SPINK5: variants seen among roughly 807,000 people sequenced by gnomAD.
The protein encoded by SPINK5 is serine peptidase inhibitor Kazal type 5.
A neutral mutation model predicts 151.8 loss-of-function variants in SPINK5; 125 were observed. That is an observed-to-expected ratio of 0.82 (90% CI 0.71 to 0.96). The LOEUF (loss-of-function observed/expected upper bound fraction) is 0.96, where lower values mean the gene tolerates loss of function less well. Ranked by LOEUF, SPINK5 falls within the 40% of genes least tolerant of loss-of-function variation. SPINK5 has a pLI of 0.00. For synonymous variants in SPINK5, 374 were observed against 395.3 expected (o/e 0.95, Z 0.64); for missense variants, 1,194 against 1,291.9 (o/e 0.92, Z 1.16).
chr5:148,120,457 C>T, intron 26 of SPINK5, 66 bp downstream of exon 26: 1 of 1,525,980 alleles, frequency 6.6e-7, no homozygotes, highest in South Asian at 1.2e-5. Context: ...ATTTATTCAA[C>T]AAATATTTGT....
intron 8 of SPINK5, among the ~76,000 whole-genome samples, chr5:148,092,997 T>C (rs1266639126): frequency 6.6e-6 from 1 of 151,946 alleles, no homozygotes; most frequent in Admixed American, 6.6e-5. Context: ...GAAGGGACTT[T>C]GCTGTGGTCT....
chr5:148,117,693 A>AT (rs1335684695), intron 22 of SPINK5, among the ~76,000 whole-genome samples: 1 of 151,910 alleles, frequency 6.6e-6, no homozygotes, highest in Non-Finnish European at 1.5e-5. Context: ...CCAAACTTAG[A>AT]TAAAAAATAC....
At chr5:148,069,471 G>GAGAGAGAGAA (rs199650759) in intron 2 of SPINK5, among the ~76,000 whole-genome samples, 3,775 of 149,538 alleles carry the variant, frequency 0.025, 72 homozygotes, top group South Asian at 0.098. Context: ...AATTACCAGA[G>GAGAGAGAGAA]AGAGAGAGAA....
Position 148,099,553 on chromosome 5 carries a change from T to A in SPINK5, c.1092+238T>A, listed in dbSNP as rs13172395. ...AAGCTGAAAAACTGAGTTCTACTTC[T>A]AGTTTTATCACTTATAGACTGTTAG... On this transcript the variant is annotated intron_variant, in intron 12 of 32. Coordinates refer to ENST00000256084, the MANE Select transcript of SPINK5 (RefSeq NM_006846.4). 0.45 allele frequency among the ~76,000 whole-genome samples: 67,835 copies of A among 151,688 alleles called. 16,510 individuals carry two copies. The highest frequency in any genetic ancestry group is 0.58 in the Admixed American group (8,842 of 15,210).
At chr5:148,091,940 T>G (rs939106504) in intron 8 of SPINK5, among the ~76,000 whole-genome samples, 1 of 151,936 alleles carries the variant, frequency 6.6e-6, no homozygotes, top group Non-Finnish European at 1.5e-5. Flanking sequence ...ATGAGAGGGA[T>G]AGCAGTTTCT....
chr5:148,123,166 CAG>C (rs1175842137), intron 26 of SPINK5, among the ~76,000 whole-genome samples: 4 of 151,244 alleles, frequency 2.6e-5, no homozygotes, highest in Non-Finnish European at 5.9e-5. Context: ...CCAGGCAACA[CAG>C]AGAGACTCCC....
intron 32 of SPINK5, chr5:148,134,120 T>C (rs1754642487): frequency 5.2e-6 from 3 of 571,960 alleles, no homozygotes; most frequent in Non-Finnish European, 9.6e-6. Context: ...CATTAATAGA[T>C]TGTTTATGAG....
chr5:148,117,257 C>T (rs1321737928), intron 22 of SPINK5, among the ~76,000 whole-genome samples: 1 of 152,156 alleles, frequency 6.6e-6, no homozygotes, highest in Non-Finnish European at 1.5e-5. Flanking sequence ...TGAGTTCTCC[C>T]TTTTAAGGAA....
chr5:148,108,019 A>T (rs780540766), intron 17 of SPINK5, among the ~76,000 whole-genome samples: 1 of 152,146 alleles, frequency 6.6e-6, no homozygotes, highest in Non-Finnish European at 1.5e-5. Flanking sequence ...CTAAAAGGAG[A>T]GGTTGACAGA....
chr5:148,074,460 A>T (rs1340127194), intron 4 of SPINK5, among the ~76,000 whole-genome samples: 1 of 151,626 alleles, frequency 6.6e-6, no homozygotes, highest in Non-Finnish European at 1.5e-5. Flanking sequence ...GTTTATCATG[A>T]TTTAGGTTGC....
intron 27 of SPINK5, among the ~76,000 whole-genome samples, chr5:148,124,242 A>G (rs1754370519): frequency 6.6e-6 from 1 of 152,212 alleles, no homozygotes. Flanking sequence ...GTTCCTCCTG[A>G]GGGAAAAATG....
In SPINK5 at chr5:148,116,440, A is replaced by C. The variant is rs774539560; in HGVS notation, c.2086A>C (p.Ser696Arg). Residue 696 changes from serine to arginine, a missense_variant, in exon 22 of 33, where the codon AGT (serine) becomes CGT (arginine). Transcript: ENST00000256084. ...GAGAAATGCTGCAGGACATGGTTCCAGTGGTGGTGGAGGAGGAAACACTCA... is the reference window on the plus strand; with the variant it reads ...GAGAAATGCTGCAGGACATGGTTCCCGTGGTGGTGGAGGAGGAAACACTCA... Reference protein sequence around the residue: ...DQRNAAGHGSSGGGGGNTQDE... With the variant: ...DQRNAAGHGSRGGGGGNTQDE... 1 of 1,614,056 alleles carries C rather than the reference A, an allele frequency of 6.2e-7. No individual in the cohort carries two copies. The highest frequency in any genetic ancestry group is 8.5e-7 in the Non-Finnish European group (1 of 1,180,010).
intron 2 of SPINK5, among the ~76,000 whole-genome samples, chr5:148,068,554 C>CAAAAAAAAAAAAAAAAAAAA (rs1166912306): frequency 2.2e-5 from 2 of 89,232 alleles, no homozygotes; most frequent in Non-Finnish European, 4.4e-5. Context: ...CCTGCCTCTC[C>CAAAAAAAAAAAAAAAAAAAA]AAAAAAAAAA....
intron 29 of SPINK5, among the ~76,000 whole-genome samples, chr5:148,126,426 C>CT (rs1247444583): frequency 1.3e-5 from 2 of 152,062 alleles, no homozygotes; most frequent in Non-Finnish European, 2.9e-5. Flanking sequence ...AAATACTACT[C>CT]CCATTTTATG....
chr5:148,079,989 A>C (rs1420983161), intron 4 of SPINK5, among the ~76,000 whole-genome samples: 1 of 151,062 alleles, frequency 6.6e-6, no homozygotes, highest in Non-Finnish European at 1.5e-5. Flanking sequence ...CCAAAACATG[A>C]TACCATATAT....
intron 30 of SPINK5, among the ~76,000 whole-genome samples, chr5:148,129,110 A>T (rs1296815860): frequency 1.3e-5 from 2 of 152,122 alleles, no homozygotes; most frequent in Non-Finnish European, 2.9e-5. Context: ...ATCTGAGGAG[A>T]ACATATTCCA....
Position 148,099,226 on chromosome 5 carries a change from T to G in SPINK5, c.1011-8T>G, listed in dbSNP as rs1753564369. The stretch of plus-strand genomic sequence containing the variant: ...TAATGGATCTGCTTCTTTTTCCCTC[T>G]TATTCAGCCAAGCAGAAAATGAAGA... On this transcript the variant is annotated splice_polypyrimidine_tract_variant and splice_region_variant and intron_variant, in intron 11 of 32. Coordinates refer to ENST00000256084, the MANE Select transcript of SPINK5 (RefSeq NM_006846.4). 6.2e-7 allele frequency: 1 copy of G among 1,606,020 alleles called. No homozygotes were observed. Among genetic ancestry groups the G allele is most frequent in the Admixed American group, 1.7e-5 (1 of 59,066 alleles).
Position 148,088,581 on chromosome 5 carries a change from A to C in SPINK5, c.450A>C (p.Glu150Asp). ...AAATTGGTGTAAAAAGTGAAGGGGAATGTAAGAGCAGTAATCCAGAGCAGG... is the reference window on the plus strand; with the variant it reads ...AAATTGGTGTAAAAAGTGAAGGGGACTGTAAGAGCAGTAATCCAGAGCAGG... ...GSQIGVKSEG[E>D]CKSSNPEQDV... is the part of the protein sequence containing the mutation. Residue 150 changes from glutamate to aspartate, a missense_variant, in exon 6 of 33, where the codon GAA becomes GAC. Physicochemically the swap from Glu to Asp is conservative, Grantham distance 45. Coordinates refer to ENST00000256084, the MANE Select transcript of SPINK5 (RefSeq NM_006846.4). 1 of 1,611,704 alleles carries C rather than the reference A, an allele frequency of 6.2e-7. No homozygotes were observed.
At chr5:148,108,132 G>A (rs558887149) in intron 17 of SPINK5, among the ~76,000 whole-genome samples, 1 of 152,260 alleles carries the variant, frequency 6.6e-6, no homozygotes, top group Non-Finnish European at 1.5e-5. Flanking sequence ...TGTAGTAAAT[G>A]CTAAGGATTT....
Sources: gnomAD v4.1 joint callset for allele counts (sites outside exome capture counted in the v4.1 genomes callset) on GRCh38, gnomAD v4.1.1 for gene constraint, MANE v1.5 for transcripts, NCBI Gene and HGNC (gene_info 2026-07-23, HGNC 2026-07-21) for gene names.